Variants in HS1BP3 observed in about 807,000 individuals in gnomAD.
The protein encoded by HS1BP3 is HCLS1-binding protein 3.
In HS1BP3, 32 loss-of-function variants were observed where a neutral mutation model predicts 33.5. That is an observed-to-expected ratio of 0.95 (90% CI 0.72 to 1.28). The LOEUF (loss-of-function observed/expected upper bound fraction) is 1.28. Among genes scored for constraint, HS1BP3 ranks in the 50% most tolerant of loss-of-function variants. The pLI is 0.00. For synonymous variants in HS1BP3, 187 were observed against 209.2 expected, an observed-to-expected ratio of 0.89 and a Z score of 0.92; for missense variants, 486 against 502.3, an observed-to-expected ratio of 0.97 and a Z score of 0.31.
downstream of HS1BP3, among the ~76,000 whole-genome samples, chr2:20,616,565 C>A (rs1394164832): frequency 6.6e-6 from 1 of 152,190 alleles, no homozygotes; most frequent in African/African-American, 2.4e-5. Context: ...GGTCCTCTTT[C>A]TTTCTACATG....
chr2:20,622,395 A>T (rs1435269674), intron 6 of HS1BP3: 1 of 1,180,238 alleles, frequency 8.5e-7, no homozygotes, highest in Non-Finnish European at 1.1e-6. Context: ...GGGGTGCGGG[A>T]CCCACACTTT....
At chr2:20,626,588 G>A (rs1485768781) in intron 4 of HS1BP3, among the ~76,000 whole-genome samples, 1 of 152,232 alleles carries the variant, frequency 6.6e-6, no homozygotes, top group Non-Finnish European at 1.5e-5. Flanking sequence ...GCTGTTCTCT[G>A]GGGAGAAAGT....
intron 4 of HS1BP3, chr2:20,635,379 G>A (rs1309418890): frequency 1.3e-5 from 2 of 152,318 alleles, no homozygotes; most frequent in African/African-American, 4.8e-5. Flanking sequence ...CCTAGAACAT[G>A]TAAGCTGGAA....
At chr2:20,642,644 A>G (rs891254746) in intron 2 of HS1BP3, among the ~76,000 whole-genome samples, 1 of 152,166 alleles carries the variant, frequency 6.6e-6, no homozygotes, top group Non-Finnish European at 1.5e-5. Flanking sequence ...GGGAACCTCC[A>G]TCTCCAGGGC....
chr2:20,645,293 G>C (rs750850317), intron 2 of HS1BP3, 47 bp downstream of exon 2: 1 of 1,585,228 alleles, frequency 6.3e-7, no homozygotes, highest in Admixed American at 1.8e-5. Flanking sequence ...CTGCCCGCCC[G>C]GACCCCGGGC....
chr2:20,555,391 T>C, the HS1BP3 span, among the ~76,000 whole-genome samples: 7 of 152,316 alleles, frequency 4.6e-5, no homozygotes, highest in African/African-American at 1.4e-4. Flanking sequence ...TGATTAAGAA[T>C]GACAAGTTGG....
At position 20,638,456 on chromosome 2, in the gene HS1BP3, C is replaced by T. The variant is rs756675850; in HGVS notation, c.603G>A (p.Leu201=). The T allele has an allele frequency of 7.4e-6, 12 of 1,614,116 alleles. No homozygotes were observed. Among genetic ancestry groups the T allele is most frequent in the African/African-American group, 4.0e-5 (3 of 74,946 alleles). ...AEESLEEEEA[L]DPLGIMRSKK... is the part of the protein sequence containing the mutation. ...CCAACCGCATAATGCCCAGAGGGTCCAGCGCCTCCTCCTCCTCCAAGGATT... is the reference window on the plus strand; with the variant it reads ...CCAACCGCATAATGCCCAGAGGGTCTAGCGCCTCCTCCTCCTCCAAGGATT... The change falls in exon 4 of 7, where the codon CTG becomes CTA. Residue 201 remains leucine, a synonymous_variant. Coordinates refer to ENST00000304031, the MANE Select transcript of HS1BP3 (RefSeq NM_022460.4).
intron 5 of HS1BP3, among the ~76,000 whole-genome samples, chr2:20,569,850 G>T (rs1197479926): frequency 6.6e-6 from 1 of 152,150 alleles, no homozygotes; most frequent in Non-Finnish European, 1.5e-5. Context: ...CTTCCCATTT[G>T]CCCCACCGCC....
rs1269091578 is a variant in HS1BP3, at chr2:20,611,189, A to G, written c.178+12707T>C. ...TCCATGTGCCACTGTTTGCTTGTTC[A>G]TTGACCGTTTGTTTGATGGATATTT... is the stretch of plus-strand genomic sequence containing the variant. On this transcript the variant is annotated intron_variant, in intron 2 of 3. Transcript: ENST00000415264. This position sits in a 1 kb window ranked among gnomAD's most constrained non-coding sequence, Gnocchi z 4.9. 6.6e-6 allele frequency among the ~76,000 whole-genome samples: 1 copy of G among 152,166 alleles called. No homozygotes were observed. The highest frequency in any genetic ancestry group is 1.5e-5 in the Non-Finnish European group (1 of 68,036).
At chr2:20,582,374 G>T (rs1277035976) in intron 5 of HS1BP3, among the ~76,000 whole-genome samples, 1 of 152,020 alleles carries the variant, frequency 6.6e-6, no homozygotes, top group African/African-American at 2.4e-5. Context: ...CCGGAGGTGT[G>T]CAGGGAGTGG....
intron 4 of HS1BP3, among the ~76,000 whole-genome samples, chr2:20,633,579 G>A (rs1695030357): frequency 6.6e-6 from 1 of 152,198 alleles, no homozygotes; most frequent in Non-Finnish European, 1.5e-5. Flanking sequence ...CTGGAGTGCA[G>A]TGGCACAATC....
intron 4 of HS1BP3, chr2:20,634,640 T>G (rs1177060837): frequency 6.6e-6 from 1 of 152,252 alleles, no homozygotes; most frequent in Admixed American, 6.5e-5. Flanking sequence ...CTGCTAAATC[T>G]TGGGTTAGCA....
At chr2:20,607,789 A>C (rs1416446004) in intron 2 of HS1BP3, among the ~76,000 whole-genome samples, 1 of 152,260 alleles carries the variant, frequency 6.6e-6, no homozygotes, top group African/African-American at 2.4e-5. Context: ...CTGTAAAAAC[A>C]TCACATTGGG....
At chr2:20,648,204 G>A (rs960366412) in intron 1 of HS1BP3, among the ~76,000 whole-genome samples, 1 of 152,196 alleles carries the variant, frequency 6.6e-6, no homozygotes, top group Non-Finnish European at 1.5e-5. Context: ...GACCACTCAT[G>A]TAACAAAAGC....
At chr2:20,632,484 GCCAGCAGTCAGGAGACC>G (rs1369066441) in intron 4 of HS1BP3, among the ~76,000 whole-genome samples, 1 of 152,222 alleles carries the variant, frequency 6.6e-6, no homozygotes, top group Admixed American at 6.5e-5. Flanking sequence ...AAAGTCCTGG[GCCAGCAGTCAGGAGACC>G]CCCAGCTCTT....
downstream of HS1BP3, among the ~76,000 whole-genome samples, chr2:20,555,624 T>C (rs1016710243): frequency 6.6e-6 from 1 of 151,064 alleles, no homozygotes; most frequent in South Asian, 2.1e-4. Flanking sequence ...ATATGGTGAG[T>C]TTCCTTCCTT....
At chr2:20,606,609 C>A (rs1165374782) in intron 2 of HS1BP3, 3 of 484,458 alleles carry the variant, frequency 6.2e-6, no homozygotes, top group Non-Finnish European at 1.2e-5. Flanking sequence ...TCTTTCCTGG[C>A]CAACTTTCCA....
downstream of HS1BP3, among the ~76,000 whole-genome samples, chr2:20,558,466 C>T (rs532727548): frequency 9.2e-5 from 14 of 152,300 alleles, no homozygotes; most frequent in South Asian, 1.2e-3. Flanking sequence ...ATCATGCCTC[C>T]GTCTCAGTTC....
At chr2:20,581,645 C>A (rs1335750225) in intron 5 of HS1BP3, among the ~76,000 whole-genome samples, 1 of 152,346 alleles carries the variant, frequency 6.6e-6, no homozygotes, top group East Asian at 1.9e-4. Flanking sequence ...CCACCGCACC[C>A]AGCCAACACA....
Sources: gnomAD v4.1 joint callset for allele counts (sites outside exome capture counted in the v4.1 genomes callset) on GRCh38, gnomAD v4.1.1 for gene constraint, Gnocchi (gnomAD v3.1) non-coding constraint, MANE v1.5 for transcripts, NCBI Gene and HGNC (gene_info 2026-07-23, HGNC 2026-07-21) for gene names.